The following RORA variants were observed in gnomAD, a reference collection of about 807,000 sequenced individuals.
RORA encodes the protein nuclear receptor ROR-alpha.
RORA carries 7 observed loss-of-function variants against 69.5 expected under a neutral mutation model. The ratio of observed to expected loss-of-function variants is 0.10; its 90% confidence interval spans 0.06 to 0.19. The LOEUF (loss-of-function observed/expected upper bound fraction) is 0.19, where lower values mean the gene tolerates loss of function less well. Ranked by LOEUF, RORA falls within the 10% of genes least tolerant of loss-of-function variation. RORA has a pLI of 1.00. For synonymous variants in RORA, 261 were observed against 240.8 expected (o/e 1.08, Z -0.78); for missense variants, 457 against 663.0 (o/e 0.69, Z 3.41).
chr15:61,206,162 G>T (rs2079939231), intron 1 of RORA, among the ~76,000 whole-genome samples: 1 of 62,608 alleles, frequency 1.6e-5, no homozygotes. Context: ...AACTCATTGA[G>T]GATGCAGATA....
intron 1 of RORA, among the ~76,000 whole-genome samples, chr15:61,193,139 G>A (rs925622009): frequency 6.6e-6 from 1 of 151,960 alleles, no homozygotes; most frequent in South Asian, 2.1e-4. Flanking sequence ...ACTTATCCCC[G>A]AACACATGAT....
intron 1 of RORA, among the ~76,000 whole-genome samples, chr15:60,748,222 T>C (rs1477236314): frequency 6.6e-6 from 1 of 152,044 alleles, no homozygotes; most frequent in Admixed American, 6.6e-5. Context: ...AATGTGTGTG[T>C]TTGCACATGT....
At chr15:61,206,150 T>C (rs1390313303) in intron 1 of RORA, among the ~76,000 whole-genome samples, 2 of 132,404 alleles carry the variant, frequency 1.5e-5, no homozygotes, top group African/African-American at 5.3e-5. Context: ...AACATTCTTA[T>C]TAACTCATTG....
intron 1 of RORA, among the ~76,000 whole-genome samples, chr15:61,055,657 A>G (rs2078085787): frequency 6.6e-6 from 1 of 152,208 alleles, no homozygotes; most frequent in South Asian, 2.1e-4. Context: ...TACTAAGCAA[A>G]AGTACACAGG....
chr15:60,942,529 T>C (rs1892732512), intron 1 of RORA, among the ~76,000 whole-genome samples: 1 of 152,254 alleles, frequency 6.6e-6, no homozygotes, highest in Admixed American at 6.5e-5. Flanking sequence ...ATACTTTGCT[T>C]CACATTAGGG....
chr15:61,178,492 T>C (rs2079651980), intron 1 of RORA, among the ~76,000 whole-genome samples: 1 of 152,090 alleles, frequency 6.6e-6, no homozygotes, highest in African/African-American at 2.4e-5. Flanking sequence ...GATAAATATA[T>C]CAATTTTATC....
At chr15:61,007,424 A>G (rs1894942325) in intron 1 of RORA, among the ~76,000 whole-genome samples, 1 of 152,170 alleles carries the variant, frequency 6.6e-6, no homozygotes, top group Non-Finnish European at 1.5e-5. Context: ...AATTGGAAAT[A>G]AAGAACCATC....
At chr15:60,769,615 A>T (rs963451658) in intron 1 of RORA, among the ~76,000 whole-genome samples, 1 of 152,162 alleles carries the variant, frequency 6.6e-6, no homozygotes, top group African/African-American at 2.4e-5. Flanking sequence ...TTCTGGTCTC[A>T]TTGGCAGTTA....
chr15:60,709,821 G>A (rs2071118006), intron 1 of RORA, among the ~76,000 whole-genome samples: 1 of 151,998 alleles, frequency 6.6e-6, no homozygotes, highest in African/African-American at 2.4e-5. Flanking sequence ...TAATGTGCTT[G>A]AATTGTCCTG....
chr15:60,824,872 A>C (rs552463410), intron 1 of RORA, among the ~76,000 whole-genome samples: 1 of 152,334 alleles, frequency 6.6e-6, no homozygotes, highest in African/African-American at 2.4e-5. Flanking sequence ...TAGAGGACAG[A>C]ATAACAGCTG....
intron 1 of RORA, among the ~76,000 whole-genome samples, chr15:61,168,113 T>C (rs978978069): frequency 2.0e-5 from 3 of 150,394 alleles, no homozygotes; most frequent in East Asian, 3.9e-4. Context: ...TGTATATATA[T>C]AATATATATT....
intron 1 of RORA, among the ~76,000 whole-genome samples, chr15:61,086,380 C>T (rs1015350972): frequency 3.3e-5 from 5 of 152,174 alleles, no homozygotes; most frequent in East Asian, 1.9e-4. Flanking sequence ...TATTTAACTG[C>T]GATAGTTTAT....
chr15:61,222,954 A>C (rs1250043174), intron 1 of RORA, among the ~76,000 whole-genome samples: 1 of 152,186 alleles, frequency 6.6e-6, no homozygotes, highest in Admixed American at 6.5e-5. Context: ...GATGGGAGAA[A>C]ACTTATGTTA....
intron 1 of RORA, among the ~76,000 whole-genome samples, chr15:60,731,690 C>A (rs550103934): frequency 6.6e-6 from 1 of 152,350 alleles, no homozygotes; most frequent in Admixed American, 6.5e-5. Context: ...TTGTTTACAG[C>A]AGACATCACT....
intron 1 of RORA, chr15:61,176,163 T>G (rs935466350): frequency 2.6e-5 from 4 of 152,242 alleles, no homozygotes; most frequent in African/African-American, 9.6e-5. Flanking sequence ...CAGATTTAGC[T>G]CTTTCTTATT....
intron 1 of RORA, among the ~76,000 whole-genome samples, chr15:60,788,660 C>A (rs1469993181): frequency 6.6e-6 from 1 of 152,136 alleles, no homozygotes; most frequent in African/African-American, 2.4e-5. Context: ...GCAGGATCCA[C>A]ACAGTCATCA....
chr15:60,707,940 C>T (rs904739794), intron 1 of RORA, among the ~76,000 whole-genome samples: 1 of 152,128 alleles, frequency 6.6e-6, no homozygotes, highest in African/African-American at 2.4e-5. Context: ...CTCAGCCACC[C>T]TGTAGGATTT....
At chr15:60,792,665 C>T (rs532870034) in intron 1 of RORA, among the ~76,000 whole-genome samples, 104 of 152,296 alleles carry the variant, frequency 6.8e-4, no homozygotes, top group Non-Finnish European at 2.8e-4. Flanking sequence ...GACTGAAAAA[C>T]ATTGTCAACC....
At chr15:60,604,988 T>C (rs1480952656) in intron 2 of RORA, among the ~76,000 whole-genome samples, 1 of 152,212 alleles carries the variant, frequency 6.6e-6, no homozygotes, top group African/African-American at 2.4e-5. Context: ...CAATATAAAA[T>C]ATACTAACAA....
Sources: allele counts gnomAD v4.1 joint callset (sites outside exome capture counted in the v4.1 genomes callset), GRCh38; gene constraint gnomAD v4.1.1; transcripts MANE v1.5; gene names NCBI Gene and HGNC (gene_info 2026-07-23, HGNC 2026-07-21).